ATP13A4: variants seen among roughly 807,000 people sequenced by gnomAD.
ATP13A4 encodes ATPase 13A4, also known as probable cation-transporting ATPase 13A4.
Under a neutral mutation model 142.5 loss-of-function variants are expected in ATP13A4, and 114 were observed. That is an observed-to-expected ratio of 0.80 (90% CI 0.69 to 0.93). The LOEUF (loss-of-function observed/expected upper bound fraction) is 0.93. ATP13A4 is among the 40% of genes least tolerant of loss of function. The pLI, the probability that ATP13A4 is intolerant of heterozygous loss-of-function variation, is 0.00. For missense variants in ATP13A4, 1,392 were observed against 1,454.0 expected (o/e 0.96, Z 0.69); for synonymous variants, 488 against 514.8 (o/e 0.95, Z 0.70).
intron 3 of ATP13A4, among the ~76,000 whole-genome samples, chr3:193,497,791 A>T (rs946776712): frequency 1.6e-4 from 25 of 152,152 alleles, no homozygotes; most frequent in Non-Finnish European, 3.2e-4. Flanking sequence ...CTTTGAAGAG[A>T]TGTGAAATGA....
chr3:193,444,071 C>T (rs1004754893), intron 18 of ATP13A4, among the ~76,000 whole-genome samples: 2 of 152,074 alleles, frequency 1.3e-5, no homozygotes, highest in Non-Finnish European at 2.9e-5. Context: ...CTTAGATTTA[C>T]AGATTCAAGA....
intron 13 of ATP13A4, 40 bp downstream of exon 13, chr3:193,462,722 A>T (rs931380059): frequency 5.1e-6 from 8 of 1,572,318 alleles, no homozygotes; most frequent in Non-Finnish European, 7.0e-6. Flanking sequence ...GGAAAAAGAG[A>T]CACTAGAATG....
chr3:193,524,779 T>G (rs1721907646), intron 1 of ATP13A4, among the ~76,000 whole-genome samples: 1 of 152,198 alleles, frequency 6.6e-6, no homozygotes, highest in African/African-American at 2.4e-5. Context: ...AAAGAGTTAT[T>G]CAAATATAAG....
intron 1 of ATP13A4, among the ~76,000 whole-genome samples, chr3:193,523,418 T>C (rs371935444): frequency 2.2e-4 from 33 of 152,222 alleles, no homozygotes; most frequent in African/African-American, 3.9e-4. Context: ...CTTTAGATCA[T>C]TGGAACTTTC....
At chr3:193,457,513 G>T (rs2108636329) in intron 14 of ATP13A4, 48 bp from the exon 15 acceptor site, 1 of 1,542,468 alleles carries the variant, frequency 6.5e-7, no homozygotes, top group Non-Finnish European at 9.0e-7. Flanking sequence ...TTTATTGTTT[G>T]CCCACTGATG....
At chr3:193,586,102 C>T (rs889002494) in intron 1 of ATP13A4, among the ~76,000 whole-genome samples, 1 of 150,104 alleles carries the variant, frequency 6.7e-6, no homozygotes, top group East Asian at 2.0e-4. Flanking sequence ...CACACACACA[C>T]ACACACACAC....
chr3:193,479,053 G>C (rs1428030064), intron 8 of ATP13A4, among the ~76,000 whole-genome samples: 2 of 152,068 alleles, frequency 1.3e-5, no homozygotes, highest in Non-Finnish European at 2.9e-5. Context: ...AAAAGCATTT[G>C]ACAAAATCCA....
intron 23 of ATP13A4, 46 bp downstream of exon 23, chr3:193,438,429 A>C (rs1230625872): frequency 6.9e-7 from 1 of 1,441,376 alleles, no homozygotes; most frequent in Non-Finnish European, 9.8e-7. Flanking sequence ...GATTTGCACC[A>C]GAAGTCAAGA....
intron 25 of ATP13A4, among the ~76,000 whole-genome samples, chr3:193,429,526 T>C (rs1715857543): frequency 6.6e-6 from 1 of 152,054 alleles, no homozygotes; most frequent in African/African-American, 2.4e-5. Flanking sequence ...CCAGATACAA[T>C]GGTACAAACT....
At chr3:193,444,737 C>A (rs1042631366) in intron 18 of ATP13A4, among the ~76,000 whole-genome samples, 1 of 152,188 alleles carries the variant, frequency 6.6e-6, no homozygotes, top group South Asian at 2.1e-4. Context: ...ATGCCTAGAG[C>A]AACCATTAAA....
At chr3:193,411,744 C>T (rs903498632) in intron 27 of ATP13A4, among the ~76,000 whole-genome samples, 2 of 152,196 alleles carry the variant, frequency 1.3e-5, no homozygotes, top group African/African-American at 4.8e-5. Flanking sequence ...TAGTCAGGTT[C>T]CTCCAGGCTG....
At chr3:193,441,688 T>A (rs1404660420) in intron 19 of ATP13A4, 100 bp from the exon 20 acceptor site, 1 of 1,428,228 alleles carries the variant, frequency 7.0e-7, no homozygotes, top group African/African-American at 1.4e-5. Flanking sequence ...GACCAGGATC[T>A]ATCTGTAAAA....
upstream of ATP13A4, among the ~76,000 whole-genome samples, chr3:193,556,985 C>A (rs989757808): frequency 6.6e-6 from 1 of 152,144 alleles, no homozygotes; most frequent in African/African-American, 2.4e-5. Context: ...GTAATTCATT[C>A]TCCTGTTTAT....
rs574172304 is a variant in ATP13A4 at position 193,433,887 on chromosome 3, G to T, written c.2800C>A (p.Leu934Met). The T allele has an allele frequency of 6.2e-7, 1 of 1,613,920 alleles. No homozygotes were observed. Among genetic ancestry groups the T allele is most frequent in the South Asian group, 1.1e-5 (1 of 91,078 alleles). Reference sequence around the variant, plus strand: ...GTTGTAATGGCCAGATCCTGGAACAGAAACTGGTAATTTGAAAGGCTGTTT... The same window carrying T: ...GTTGTAATGGCCAGATCCTGGAACATAAACTGGTAATTTGAAAGGCTGTTT... ...ETNSLSNYQF[L>M]FQDLAITTLI... The change falls in exon 25 of 30, where the codon CTG becomes ATG. Residue 934 changes from leucine (L) to methionine (M), a missense_variant. Transcript: ENST00000342695.
At chr3:193,469,180 G>C (rs888218153) in intron 9 of ATP13A4, among the ~76,000 whole-genome samples, 4 of 152,236 alleles carry the variant, frequency 2.6e-5, no homozygotes, top group African/African-American at 9.6e-5. Flanking sequence ...GATGGAGGAA[G>C]AGGAGCAGCA....
chr3:193,552,324 C>T (rs996224818), intron 1 of ATP13A4, among the ~76,000 whole-genome samples: 7 of 152,160 alleles, frequency 4.6e-5, no homozygotes, highest in African/African-American at 1.4e-4. Context: ...CATCTTTAGG[C>T]CTCAGAATAT....
At chr3:193,561,395 T>C (rs1349208335) in intron 2 of ATP13A4, among the ~76,000 whole-genome samples, 1 of 152,102 alleles carries the variant, frequency 6.6e-6, no homozygotes, top group Non-Finnish European at 1.5e-5. Flanking sequence ...CTTCCAAAAG[T>C]CCACTTAGGA....
rs568381772 is a variant in ATP13A4, at chr3:193,481,555, T to A, written c.808+2381A>T. ...TGTGTTTTTCAGGATGTATTACAAA[T>A]TATTATTTTTTAAAACAGAGCTACA... On this transcript the variant is annotated intron_variant, in intron 8 of 29. Coordinates refer to ENST00000342695, the MANE Select transcript of ATP13A4 (RefSeq NM_032279.4). Among the ~76,000 whole-genome samples, 14 of 152,286 alleles carry A rather than the reference T, an allele frequency of 9.2e-5. No homozygotes were observed. In the South Asian group the frequency reaches 2.9e-3, roughly 32 times the overall value.
chr3:193,562,463 G>C (rs1265944805), intron 2 of ATP13A4, among the ~76,000 whole-genome samples: 1 of 152,132 alleles, frequency 6.6e-6, no homozygotes, highest in African/African-American at 2.4e-5. Context: ...GTAATATATA[G>C]GTGGATATTT....
Sources: gnomAD v4.1 joint callset for allele counts (sites outside exome capture counted in the v4.1 genomes callset) on GRCh38, gnomAD v4.1.1 for gene constraint, MANE v1.5 for transcripts, NCBI Gene and HGNC (gene_info 2026-07-23, HGNC 2026-07-21) for gene names.